Variants in IZUMO1 observed in about 807,000 individuals in gnomAD.
IZUMO1 encodes izumo sperm-egg fusion protein 1.
IZUMO1 carries 44 observed loss-of-function variants against 40.7 expected under a neutral mutation model. The ratio of observed to expected loss-of-function variants is 1.08; its 90% confidence interval spans 0.85 to 1.39. The LOEUF (loss-of-function observed/expected upper bound fraction) is 1.39. IZUMO1 is among the 40% of genes most tolerant of loss of function. The pLI, the probability that IZUMO1 is intolerant of heterozygous loss-of-function variation, is 0.00. For synonymous variants in IZUMO1, 149 were observed against 170.9 expected, an observed-to-expected ratio of 0.87 and a Z score of 1.00; for missense variants, 368 against 436.9, an observed-to-expected ratio of 0.84 and a Z score of 1.41.
In IZUMO1 at chr19:48,742,641, C is replaced by T. The variant is rs534236718; in HGVS notation, c.500-332G>A. Among the ~76,000 whole-genome samples, 15 of 151,994 alleles carry T rather than the reference C, an allele frequency of 9.9e-5. No homozygotes were observed. In the Middle Eastern group the frequency reaches 0.014, roughly 140 times the overall value. ...GCGATTACAGGCATGAGGCACTGCG[C>T]CGGGCCTCCTTCACGGTTCTTTACC... On this transcript the variant is annotated intron_variant, in intron 6 of 9. Coordinates refer to ENST00000332955, the MANE Select transcript of IZUMO1 (RefSeq NM_182575.3).
rs975196979 is a variant in IZUMO1, at chr19:48,742,099, T to A, written c.600+110A>T. On this transcript the variant is annotated intron_variant, in intron 7 of 9. Transcript: ENST00000332955. Reference sequence around the variant, plus strand: ...CCCAGAGGTCTGTAGAGACCACACCTAATAGACCACCCTCCTGGGTCATGA... The same window carrying A: ...CCCAGAGGTCTGTAGAGACCACACCAAATAGACCACCCTCCTGGGTCATGA... 2.7e-6 allele frequency: 4 copies of A among 1,476,548 alleles called. No homozygotes were observed. In the African/African-American group the frequency reaches 5.6e-5, roughly 20 times the overall value. The allele number at this position is 1,476,548 out of a possible 1,614,324, so 91.5% of individuals were successfully genotyped here. A position where few individuals can be genotyped will look rare whatever the true frequency, so the allele number is the denominator to read the frequency against.
chr19:48,745,704 G>A lies in IZUMO1; in HGVS notation c.156C>T (p.Ala52=), dbSNP rs752015279. The change falls in exon 2 of 10, where the codon GCC becomes GCT. Residue 52 remains alanine (A), a synonymous_variant. Coordinates refer to ENST00000332955, the MANE Select transcript of IZUMO1 (RefSeq NM_182575.3). The stretch of plus-strand genomic sequence containing the variant: ...CGGCATTCTCTACCCTTTCCATCAT[G>A]GCTTTGTGATGCTTCGCATCCAGGT... ...PGHLDAKHHK[A]MMERVENAVK... is the part of the protein sequence containing the mutation. 2 of 1,614,174 alleles carry A rather than the reference G, an allele frequency of 1.2e-6. No homozygotes were observed. The highest frequency in any genetic ancestry group is 1.7e-6 in the Non-Finnish European group (2 of 1,180,044).
Position 48,746,778 on chromosome 19 carries a change from G to A in IZUMO1, c.-417C>T. The stretch of plus-strand genomic sequence containing the variant: ...AGGATTGTGTTGGGGACGAGGGTAA[G>A]GTTGGTTGCGTGAAATCGAGAGCTT... On this transcript the variant is annotated 5_prime_UTR_variant, in exon 1 of 10. Coordinates refer to ENST00000332955, the MANE Select transcript of IZUMO1 (RefSeq NM_182575.3). 2.0e-6 allele frequency: 2 copies of A among 985,450 alleles called. No homozygotes were observed. Among genetic ancestry groups the A allele is most frequent in the Non-Finnish European group, 2.4e-6 (2 of 829,932 alleles). 61.0% of individuals were successfully genotyped at this position (985,450 alleles called of 1,614,324 possible).
intron 1 of IZUMO1, chr19:48,746,169 C>G: frequency 1.7e-6 from 2 of 1,204,074 alleles, no homozygotes; most frequent in Non-Finnish European, 2.1e-6. Flanking sequence ...AGGAATCACT[C>G]ATAAGTCCCC....
chr19:48,742,586 G>C (rs149407947), intron 6 of IZUMO1, among the ~76,000 whole-genome samples: 70 of 151,982 alleles, frequency 4.6e-4, no homozygotes, highest in Middle Eastern at 3.4e-3. Flanking sequence ...GACCTCAGGT[G>C]ATCTGCCTGC....
Position 48,741,913 on chromosome 19 carries a change from C to A in IZUMO1, c.630G>T (p.Val210=). ...RVWGNNTETL[V]SKGKEATLTK... ...TCAGGGTGGCCTCTTTCCCCTTGGA[C>A]ACCAAGGTCTCCGTATTGTTCCCCC... Residue 210 remains valine, a synonymous_variant, in exon 8 of 10, where the codon GTG becomes GTT. Transcript: ENST00000332955. This position sits in a 1 kb window ranked among gnomAD's most constrained non-coding sequence, Gnocchi z 4.4. 1 of 1,610,570 alleles carries A rather than the reference C, an allele frequency of 6.2e-7. No individual in the cohort carries two copies.
chr19:48,745,126 A>G (rs1227188097), intron 3 of IZUMO1, 88 bp downstream of exon 3: 15 of 1,128,140 alleles, frequency 1.3e-5, no homozygotes, highest in Non-Finnish European at 4.0e-6. Context: ...GTCTGGGTCC[A>G]CAGCCTAGTA....
At position 48,742,221 on chromosome 19, in the gene IZUMO1, G is replaced by A; in HGVS notation, c.588C>T (p.Tyr196=). Residue 196 remains tyrosine, a synonymous_variant, in exon 7 of 10, where the codon TAC becomes TAT. Transcript: ENST00000332955. The part of the protein sequence containing the change: ...WHQASEGLTD[Y]SFYRVWGNNT... The stretch of plus-strand genomic sequence containing the variant: ...TTGAGGCCCTCACCCTGTAAAAGCT[G>A]TAATCAGTGAGGCCTTCCGAAGCCT... 6.2e-7 allele frequency: 1 copy of A among 1,612,958 alleles called. No individual in the cohort carries two copies. Among genetic ancestry groups the A allele is most frequent in the Non-Finnish European group, 8.5e-7 (1 of 1,178,918 alleles).
chr19:48,745,442 C>T lies in IZUMO1; in HGVS notation c.236-154G>A, dbSNP rs965744845. 4.9e-6 allele frequency: 5 copies of T among 1,011,522 alleles called. No homozygotes were observed. In the African/African-American group the frequency reaches 8.1e-5, roughly 16 times the overall value. The allele number at this position is 1,011,522 out of a possible 1,614,324, so 62.7% of individuals were successfully genotyped here. On this transcript the variant is annotated intron_variant, in intron 2 of 9. Coordinates refer to ENST00000332955, the MANE Select transcript of IZUMO1 (RefSeq NM_182575.3). ...CCTTCTGGGAGTTGTAGTTTTATTA[C>T]ATAAAATTGCCAGCCGAGGATAGGG...
chr19:48,743,587 C>T (rs2033788229), intron 5 of IZUMO1, 62 bp from the exon 6 acceptor site: 1 of 1,317,872 alleles, frequency 7.6e-7, no homozygotes, highest in Non-Finnish European at 1.1e-6. Flanking sequence ...AAGGAGAGGT[C>T]AGGGCTAAGG....
chr19:48,743,836 CA>C (rs1280576261), intron 5 of IZUMO1: 1 of 466,552 alleles, frequency 2.1e-6, no homozygotes, highest in Non-Finnish European at 3.9e-6. Context: ...GCTAAAAATA[CA>C]AAAATTAGCT....
At chr19:48,743,597 G>A in intron 5 of IZUMO1, 72 bp from the exon 6 acceptor site, 4 of 1,210,570 alleles carry the variant, frequency 3.3e-6, no homozygotes, top group Non-Finnish European at 4.9e-6. Context: ...CAGGGCTAAG[G>A]GCTGGGGCCA....
At position 48,741,006 on chromosome 19, in the gene IZUMO1, T is replaced by TCC. The variant is rs750839512; in HGVS notation, c.954_955insGG (p.Ile319GlyfsTer43). Reference sequence around the variant, plus strand: ...AACAGTGAGGATTTGATGAAATCGATCACCTTCCTTCGACGAAATATCCTA... The same window carrying TCC: ...AACAGTGAGGATTTGATGAAATCGATCCCACCTTCCTTCGACGAAATATCCTA... On this transcript the variant is annotated frameshift_variant, in exon 10 of 10. Coordinates refer to ENST00000332955, the MANE Select transcript of IZUMO1 (RefSeq NM_182575.3). LOFTEE classifies it low-confidence loss of function (END_TRUNC). This position sits in a 1 kb window ranked among gnomAD's most constrained non-coding sequence, Gnocchi z 4.4. The TCC allele has an allele frequency of 1.2e-5, 19 of 1,614,096 alleles. No individual in the cohort carries two copies. The highest frequency in any genetic ancestry group is 1.6e-5 in the Non-Finnish European group (19 of 1,180,002).
rs375421315 is a variant in IZUMO1, at chr19:48,744,612, A to T, written c.311-73T>A. ...TTTACTTCTGCCTGCAGAGTCTGGC[A>T]GTCTACTTCCTGGCCTTCTCAGGAA... is the stretch of plus-strand genomic sequence containing the variant. On this transcript the variant is annotated intron_variant, in intron 3 of 9. Coordinates refer to ENST00000332955, the MANE Select transcript of IZUMO1 (RefSeq NM_182575.3). The T allele has an allele frequency of 2.0e-4, 223 of 1,106,948 alleles. No homozygotes were observed. The East Asian group carries it at 4.0e-3, about 20-fold the overall frequency. 68.6% of individuals were successfully genotyped at this position (1,106,948 alleles called of 1,614,324 possible).
Position 48,746,727 on chromosome 19 carries a change from C to A in IZUMO1, c.-366G>T, listed in dbSNP as rs983245000. 1.0e-6 allele frequency: 1 copy of A among 985,312 alleles called. No homozygotes were observed. Among genetic ancestry groups the A allele is most frequent in the African/African-American group, 1.7e-5 (1 of 57,202 alleles). The allele number at this position is 985,312 out of a possible 1,614,324, so 61.0% of individuals were successfully genotyped here. A position where few individuals can be genotyped will look rare whatever the true frequency, so the allele number is the denominator to read the frequency against. On this transcript the variant is annotated 5_prime_UTR_variant, in exon 1 of 10. Coordinates refer to ENST00000332955, the MANE Select transcript of IZUMO1 (RefSeq NM_182575.3). ...AGGAAGCCGGGGTCATGACCACCTA[C>A]GCTAATTTTCCCAGGGGTAAAATCA... is the stretch of plus-strand genomic sequence containing the variant.
Position 48,741,253 on chromosome 19 carries a change from C to G in IZUMO1, c.932+48G>C. The G allele has an allele frequency of 6.6e-7, 1 of 1,521,226 alleles. No individual in the cohort carries two copies. The highest frequency in any genetic ancestry group is 1.2e-5 in the South Asian group (1 of 83,240). The allele number at this position is 1,521,226 out of a possible 1,614,324, so 94.2% of individuals were successfully genotyped here. ...CTTCTGTGTTGGGTTCCTGGAAGCC[C>G]CGCCCCTTACTCCAAGCCAAGCCTG... is the stretch of plus-strand genomic sequence containing the variant. On this transcript the variant is annotated intron_variant, in intron 9 of 9. Transcript: ENST00000332955. This position sits in a 1 kb window ranked among gnomAD's most constrained non-coding sequence, Gnocchi z 4.4.
intron 6 of IZUMO1, 194 bp downstream of exon 6, chr19:48,743,251 C>T (rs2033774627): frequency 8.4e-6 from 5 of 593,016 alleles, no homozygotes; most frequent in Non-Finnish European, 1.2e-5. Flanking sequence ...TGGTCTCAAA[C>T]TCCTGGCTTC....
At position 48,742,316 on chromosome 19, in the gene IZUMO1, G is replaced by A. The variant is rs372968209; in HGVS notation, c.500-7C>T. 402 of 1,596,478 alleles carry A rather than the reference G, an allele frequency of 2.5e-4. No individual in the cohort carries two copies. Among genetic ancestry groups the A allele is most frequent in the Non-Finnish European group, 3.1e-4 (365 of 1,164,114 alleles). On this transcript the variant is annotated splice_polypyrimidine_tract_variant and splice_region_variant and intron_variant, in intron 6 of 9. Transcript: ENST00000332955. ...GGAACTTCCACATTCCGCTCTGGGGGTGGGGGATGACCATGGGACACTCAT... is the reference window on the plus strand; with the variant it reads ...GGAACTTCCACATTCCGCTCTGGGGATGGGGGATGACCATGGGACACTCAT...
chr19:48,743,761 G>C, intron 5 of IZUMO1: 1 of 551,670 alleles, frequency 1.8e-6, no homozygotes, highest in Non-Finnish European at 3.3e-6. Flanking sequence ...GGGAGGCCGA[G>C]GCGGGCGGAT....
Sources: allele counts gnomAD v4.1 joint callset (sites outside exome capture counted in the v4.1 genomes callset), GRCh38; gene constraint gnomAD v4.1.1; non-coding constraint Gnocchi (gnomAD v3.1); transcripts MANE v1.5; gene names NCBI Gene and HGNC (gene_info 2026-07-23, HGNC 2026-07-21).